Variants in CHD2 observed in about 807,000 individuals in gnomAD.
CHD2 encodes the protein chromodomain helicase DNA binding protein 2.
CHD2 carries 28 observed loss-of-function variants against 243.9 expected under a neutral mutation model. The observed-to-expected ratio is 0.11, with a 90% CI of 0.09 to 0.16. The LOEUF is 0.16. CHD2 is among the 10% of genes least tolerant of loss of function. The pLI is 1.00. For synonymous variants in CHD2, 775 were observed against 779.0 expected (o/e 0.99, Z 0.09); for missense variants, 1,386 against 2,209.8 (o/e 0.63, Z 7.47).
intron 2 of CHD2, among the ~76,000 whole-genome samples, chr15:92,922,806 C>T (rs1596378216): frequency 6.6e-6 from 1 of 152,170 alleles, no homozygotes; most frequent in Admixed American, 6.5e-5. Context: ...GTATCTTCCC[C>T]TCTACCAGCA....
chr15:93,012,937 C>T (rs1370748368), intron 36 of CHD2, among the ~76,000 whole-genome samples: 1 of 152,178 alleles, frequency 6.6e-6, no homozygotes, highest in African/African-American at 2.4e-5. Flanking sequence ...AGGCAGTGCT[C>T]CTTGTGTGGG....
intron 12 of CHD2, among the ~76,000 whole-genome samples, chr15:92,947,899 A>C (rs536432488): frequency 3.9e-5 from 6 of 152,358 alleles, no homozygotes; most frequent in Admixed American, 3.9e-4. Flanking sequence ...ATAGAGCACT[A>C]ATCTTCAGAG....
At chr15:92,988,082 CTT>C (rs61247385) in intron 26 of CHD2, among the ~76,000 whole-genome samples, 1 of 146,768 alleles carries the variant, frequency 6.8e-6, no homozygotes, top group Non-Finnish European at 1.5e-5. Flanking sequence ...TTAGTTGTCT[CTT>C]TTTTTTTTTT....
intron 15 of CHD2, among the ~76,000 whole-genome samples, chr15:92,956,138 G>A (rs911360480): frequency 2.0e-5 from 3 of 152,112 alleles, no homozygotes; most frequent in African/African-American, 4.8e-5. Context: ...ATAATTAAGG[G>A]GAGAATACAG....
chr15:92,919,235 T>C (rs908844191), intron 2 of CHD2, among the ~76,000 whole-genome samples: 4 of 152,048 alleles, frequency 2.6e-5, no homozygotes, highest in Non-Finnish European at 4.4e-5. Context: ...GATCTCATTT[T>C]CCATTTCCAG....
At position 93,020,240 on chromosome 15, in the gene CHD2, A is replaced by G. The variant is rs2054516818; in HGVS notation, c.5135A>G (p.His1712Arg). ...QYSSDRDHRG[H>R]RDYYDRHHHD... ...AGCAGTGACCGAGACCACCGGGGAC[A>G]CAGAGATTATTATGACAGGTATGCA... is the stretch of plus-strand genomic sequence containing the variant. Residue 1712 changes from histidine to arginine, a missense_variant, in exon 38 of 39, where the codon CAC (histidine) becomes CGC (arginine). Around this residue, in one of 19 missense-constraint regions of CHD2, gnomAD observed 347 missense variants for 341.6 expected, o/e 1.02. Coordinates refer to ENST00000394196, the MANE Select transcript of CHD2 (RefSeq NM_001271.4). 1.2e-6 allele frequency: 2 copies of G among 1,614,226 alleles called. No homozygotes were observed. Among genetic ancestry groups the G allele is most frequent in the South Asian group, 1.1e-5 (1 of 91,084 alleles).
chr15:93,023,668 G>GGTT (rs1555446601), intron 38 of CHD2, among the ~76,000 whole-genome samples: 1 of 138,222 alleles, frequency 7.2e-6, no homozygotes, highest in African/African-American at 2.8e-5. Flanking sequence ...TATTTCCTGG[G>GGTT]TTTTTTTTTT....
intron 2 of CHD2, among the ~76,000 whole-genome samples, chr15:92,917,264 A>G (rs562999308): frequency 5.9e-5 from 9 of 152,336 alleles, no homozygotes; most frequent in South Asian, 2.1e-4. Context: ...TTCTTTACCA[A>G]TAAGAAATGT....
chr15:92,901,427 T>G (rs2052527762), intron 2 of CHD2, 128 bp downstream of exon 2: 1 of 668,182 alleles, frequency 1.5e-6, no homozygotes, highest in South Asian at 1.8e-5. Context: ...TGGATTCGTT[T>G]TTTAAAGCAT....
At chr15:92,933,077 G>A (rs2053203525) in intron 5 of CHD2, among the ~76,000 whole-genome samples, 2 of 147,486 alleles carry the variant, frequency 1.4e-5, no homozygotes, top group South Asian at 2.1e-4. Flanking sequence ...AAGAGACAGG[G>A]TCTTCCTCTA....
chr15:92,971,495 A>G (rs2053841318), intron 17 of CHD2, among the ~76,000 whole-genome samples: 1 of 152,198 alleles, frequency 6.6e-6, no homozygotes, highest in African/African-American at 2.4e-5. Flanking sequence ...TGTTGTGTAT[A>G]TGTAGAGAGA....
intron 31 of CHD2, among the ~76,000 whole-genome samples, chr15:92,999,671 G>A (rs1461807296): frequency 6.6e-6 from 1 of 151,774 alleles, no homozygotes. Flanking sequence ...CAAGTAATAG[G>A]GTCATAAGTC....
At position 92,972,297 on chromosome 15, in the gene CHD2, A is replaced by G; in HGVS notation, c.2385A>G (p.Leu795=). The G allele has an allele frequency of 1.2e-6, 2 of 1,612,010 alleles. No individual in the cohort carries two copies. Among genetic ancestry groups the G allele is most frequent in the South Asian group, 1.1e-5 (1 of 90,856 alleles). ...SLIRSSGKLI[L]LDKLLTRLRE... ...TAAGGAGCAGTGGGAAGTTGATTTT[A>G]TTAGACAAACTGTTGACAAGACTTC... The change falls in exon 19 of 39, where the codon TTA becomes TTG. Residue 795 remains leucine (L), a synonymous_variant. Transcript: ENST00000394196.
At chr15:92,925,838 T>C (rs16947279) in intron 3 of CHD2, among the ~76,000 whole-genome samples, 2,715 of 152,342 alleles carry the variant, frequency 0.018, 86 homozygotes, top group Admixed American at 0.071. Flanking sequence ...TGGATTCTAG[T>C]TGTAAAATGC....
At chr15:92,984,273 T>C (rs1265087313) in intron 24 of CHD2, 57 bp from the exon 25 acceptor site, 3 of 1,345,320 alleles carry the variant, frequency 2.2e-6, no homozygotes, top group African/African-American at 2.9e-5. Flanking sequence ...ATAAATTGTT[T>C]TAGTAGATGG....
In CHD2 at chr15:92,997,010, G is replaced by C. The variant is rs1465237014; in HGVS notation, c.3649G>C (p.Val1217Leu). The change falls in exon 29 of 39, where the codon GTT becomes CTT. Residue 1217 changes from valine to leucine, a missense_variant. Physicochemically the swap from Val to Leu is conservative, Grantham distance 32 (BLOSUM62 1). Around this residue, in one of 19 missense-constraint regions of CHD2, gnomAD observed 99 missense variants for 176.9 expected, o/e 0.56. Coordinates refer to ENST00000394196, the MANE Select transcript of CHD2 (RefSeq NM_001271.4). The surrounding 1 kb of genome is among the most constrained non-coding windows in gnomAD (Gnocchi z 4.1). Reference sequence around the variant, plus strand: ...AACAATCAAGATATCCGGAGTTCAGGTTAATGTGAAATCCATTATCCAACA... The same window carrying C: ...AACAATCAAGATATCCGGAGTTCAGCTTAATGTGAAATCCATTATCCAACA... ...GPTIKISGVQ[V>L]NVKSIIQHEE... is the part of the protein sequence containing the mutation. 2 of 1,613,726 alleles carry C rather than the reference G, an allele frequency of 1.2e-6. No individual in the cohort carries two copies. Among genetic ancestry groups the C allele is most frequent in the African/African-American group, 2.7e-5 (2 of 74,882 alleles).
intron 2 of CHD2, chr15:92,904,264 A>T (rs571661757): frequency 9.0e-4 from 142 of 158,606 alleles, no homozygotes; most frequent in Non-Finnish European, 1.6e-3. Flanking sequence ...GCCAAACAGC[A>T]GGAAGTTGCC....
In CHD2 at chr15:92,953,409, A is replaced by G; in HGVS notation, c.1555A>G (p.Thr519Ala). 1.2e-6 allele frequency: 2 copies of G among 1,614,092 alleles called. No homozygotes were observed. The highest frequency in any genetic ancestry group is 1.7e-6 in the Non-Finnish European group (2 of 1,180,014). Residue 519 changes from threonine (T) to alanine (A), a missense_variant, in exon 14 of 39, where the codon ACC (threonine) becomes GCC (alanine). Physicochemically the swap from Thr to Ala is moderately conservative, Grantham distance 58. Transcript: ENST00000394196. Reference sequence around the variant, plus strand: ...AATGGGCCTAGGAAAGACCATCCAGACCATATCATTCCTCTCCTACCTGTT... The same window carrying G: ...AATGGGCCTAGGAAAGACCATCCAGGCCATATCATTCCTCTCCTACCTGTT... ...DEMGLGKTIQ[T>A]ISFLSYLFHQ...
intron 5 of CHD2, among the ~76,000 whole-genome samples, chr15:92,930,381 G>C (rs1044757453): frequency 1.3e-5 from 2 of 151,954 alleles, no homozygotes; most frequent in African/African-American, 4.8e-5. Context: ...TTCAGTCACT[G>C]TATAATACAT....
Sources: gnomAD v4.1 joint callset for allele counts (sites outside exome capture counted in the v4.1 genomes callset) on GRCh38, gnomAD v4.1.1 for gene constraint, gnomAD v4.1.1 regional missense constraint, Gnocchi (gnomAD v3.1) non-coding constraint, MANE v1.5 for transcripts, NCBI Gene and HGNC (gene_info 2026-07-23, HGNC 2026-07-21) for gene names.